ZBTB38: variants seen among roughly 807,000 people sequenced by gnomAD.
ZBTB38 encodes zinc finger and BTB domain-containing protein 38.
In ZBTB38, 20 loss-of-function variants were observed where a neutral mutation model predicts 76.8. The observed-to-expected ratio is 0.26, with a 90% CI of 0.18 to 0.38. ZBTB38 has a LOEUF of 0.38. Among genes scored for constraint, ZBTB38 ranks in the 10% least tolerant of loss-of-function variants. The probability of loss-of-function intolerance (pLI) is 1.00; values close to 1 mark genes in which losing one functional copy is unlikely to be tolerated. For missense variants in ZBTB38, 1,082 were observed against 1,482.3 expected (o/e 0.73, Z 4.43); for synonymous variants, 504 against 544.2 (o/e 0.93, Z 1.03).
chr3:141,384,516 G>C (rs191511513), intron 3 of ZBTB38, among the ~76,000 whole-genome samples: 3 of 152,326 alleles, frequency 2.0e-5, no homozygotes, highest in Non-Finnish European at 4.4e-5. Flanking sequence ...TATCTCAACA[G>C]ACATGAAGAG....
intron 4 of ZBTB38, among the ~76,000 whole-genome samples, chr3:141,395,223 A>G (rs1441404795): frequency 6.6e-6 from 1 of 152,266 alleles, no homozygotes; most frequent in Non-Finnish European, 1.5e-5. Context: ...AGGCAGGAAC[A>G]AGGAAATAAC....
chr3:141,381,443 C>A lies in ZBTB38; in HGVS notation c.-216C>A, dbSNP rs924967998. The A allele has an allele frequency of 1.8e-4, 28 of 152,450 alleles. No individual in the cohort carries two copies. The highest frequency in any genetic ancestry group is 6.7e-4 in the African/African-American group (28 of 41,564). 9.4% of individuals were successfully genotyped at this position (152,450 alleles called of 1,614,324 possible). A position where few individuals can be genotyped will look rare whatever the true frequency, so the allele number is the denominator to read the frequency against. On this transcript the variant is annotated 5_prime_UTR_variant, in exon 3 of 6. Transcript: ENST00000321464. ...CTTCCAGCTCTTTCCTGGAGAGTAA[C>A]CCCAGTTTGGTCCACAAGGCTTGCT...
At chr3:141,372,485 C>G (rs1378146457) in intron 2 of ZBTB38, among the ~76,000 whole-genome samples, 2 of 151,300 alleles carry the variant, frequency 1.3e-5, no homozygotes, top group Non-Finnish European at 2.9e-5. Flanking sequence ...CCCATCTCTA[C>G]TAAAAAAAAA....
intron 4 of ZBTB38, among the ~76,000 whole-genome samples, chr3:141,402,019 G>A (rs1219459598): frequency 6.6e-6 from 1 of 152,226 alleles, no homozygotes; most frequent in Non-Finnish European, 1.5e-5. Flanking sequence ...TGCGGCCCGA[G>A]GCCTTGTTCT....
chr3:141,341,398 C>T (rs1387338237), intron 1 of ZBTB38, among the ~76,000 whole-genome samples: 1 of 152,156 alleles, frequency 6.6e-6, no homozygotes, highest in Non-Finnish European at 1.5e-5. Context: ...CAGCATTATT[C>T]ATAATAGCCA....
intron 1 of ZBTB38, among the ~76,000 whole-genome samples, chr3:141,338,317 A>G (rs761595112): frequency 5.9e-5 from 9 of 152,198 alleles, no homozygotes; most frequent in Non-Finnish European, 1.0e-4. Context: ...AAAGGAATAT[A>G]AATCGTTCTG....
chr3:141,419,900 T>A (rs1577265188), intron 5 of ZBTB38, among the ~76,000 whole-genome samples: 2 of 152,118 alleles, frequency 1.3e-5, no homozygotes, highest in East Asian at 1.9e-4. Context: ...GGCAGGAGAA[T>A]CGCTTGAACC....
chr3:141,357,680 C>T (rs981954252), intron 1 of ZBTB38, among the ~76,000 whole-genome samples: 3 of 152,146 alleles, frequency 2.0e-5, no homozygotes, highest in African/African-American at 7.2e-5. Flanking sequence ...CAGGCACCCG[C>T]CACCACGCCC....
chr3:141,351,154 A>G (rs1459491424), intron 1 of ZBTB38, among the ~76,000 whole-genome samples: 1 of 152,216 alleles, frequency 6.6e-6, no homozygotes, highest in Non-Finnish European at 1.5e-5. Flanking sequence ...TTGTGCTCAG[A>G]ACTCAGAAAG....
At chr3:141,425,554 C>T (rs2076229116) in intron 5 of ZBTB38, among the ~76,000 whole-genome samples, 1 of 152,242 alleles carries the variant, frequency 6.6e-6, no homozygotes, top group African/African-American at 2.4e-5. Flanking sequence ...CACTGCAGCC[C>T]TGCACCGAGG....
At chr3:141,441,776 CGTGGTGGCTCTCACCT>C (rs1199930254) in intron 5 of ZBTB38, among the ~76,000 whole-genome samples, 3 of 151,968 alleles carry the variant, frequency 2.0e-5, no homozygotes, top group Non-Finnish European at 4.4e-5. Context: ...ATTAGCCGGG[CGTGGTGGCTCTCACCT>C]GTGGTCCCAG....
At position 141,447,902 on chromosome 3, in the gene ZBTB38, A is replaced by G. The variant is rs138874501; in HGVS notation, c.*1926A>G. ...CTTTCACTTACATACAGTATTATAT[A>G]AGTAGAGAAAAATGGGAAAATGCAA... is the stretch of plus-strand genomic sequence containing the variant. On this transcript the variant is annotated 3_prime_UTR_variant, in exon 6 of 6. Transcript: ENST00000321464. The G allele has an allele frequency of 6.5e-6, 1 of 152,770 alleles. No individual in the cohort carries two copies. The highest frequency in any genetic ancestry group is 1.5e-5 in the Non-Finnish European group (1 of 68,034). The allele number at this position is 152,770 out of a possible 1,614,324, so 9.5% of individuals were successfully genotyped here.
intron 5 of ZBTB38, chr3:141,434,106 T>G (rs1486951593): frequency 4.3e-6 from 3 of 694,288 alleles, no homozygotes; most frequent in Non-Finnish European, 1.8e-6. Flanking sequence ...CTCAAGGAGC[T>G]CATAGGGAAG....
intron 1 of ZBTB38, among the ~76,000 whole-genome samples, chr3:141,346,782 T>TGTGTGTG: frequency 6.9e-6 from 1 of 144,684 alleles, no homozygotes. Flanking sequence ...TTGTTTTGTT[T>TGTGTGTG]TGTGTGTGTG....
rs535618207 is a variant in ZBTB38, at chr3:141,355,511, C to T, written c.-738-13110C>T. 1.2e-4 allele frequency among the ~76,000 whole-genome samples: 19 copies of T among 152,160 alleles called. No individual in the cohort carries two copies. In the South Asian group the frequency reaches 2.5e-3, roughly 20 times the overall value. ...GACCCTCTAGGGGGCCATGGAAAGG[C>T]GTCTTGGTGCTGTGCTTGTCTCCCC... is the stretch of plus-strand genomic sequence containing the variant. On this transcript the variant is annotated intron_variant, in intron 1 of 7. Transcript: ENST00000509842.
intron 1 of ZBTB38, among the ~76,000 whole-genome samples, chr3:141,344,165 C>G (rs1943273967): frequency 6.6e-6 from 1 of 152,202 alleles, no homozygotes; most frequent in Non-Finnish European, 1.5e-5. Context: ...TCACCGAAAA[C>G]TTGGTGGCTT....
chr3:141,429,114 A>G (rs1416410135), intron 5 of ZBTB38, among the ~76,000 whole-genome samples: 1 of 152,202 alleles, frequency 6.6e-6, no homozygotes, highest in Non-Finnish European at 1.5e-5. Flanking sequence ...CATTTTTGCA[A>G]GCAGACAGAC....
intron 5 of ZBTB38, among the ~76,000 whole-genome samples, chr3:141,415,029 T>G (rs1363073152): frequency 6.6e-6 from 1 of 152,138 alleles, no homozygotes. Context: ...TAAAAGGTGC[T>G]CAGTCAATGT....
In ZBTB38 at chr3:141,388,137, T is replaced by C. The variant is rs1576894733; in HGVS notation, c.-106+1200T>C. Reference sequence around the variant, plus strand: ...AAAAAAAAATCATATATATGATAGGTGTGGTGCCATTAGACAACAAAAGAA... The same window carrying C: ...AAAAAAAAATCATATATATGATAGGCGTGGTGCCATTAGACAACAAAAGAA... On this transcript the variant is annotated intron_variant, in intron 4 of 5. Transcript: ENST00000321464. The C allele has an allele frequency of 2.6e-5, 4 of 152,052 alleles. No individual in the cohort carries two copies. The East Asian group carries it at 7.7e-4, about 29-fold the overall frequency. 9.4% of individuals were successfully genotyped at this position (152,052 alleles called of 1,614,324 possible). A position where few individuals can be genotyped will look rare whatever the true frequency, so the allele number is the denominator to read the frequency against.
Sources: allele counts gnomAD v4.1 joint callset (sites outside exome capture counted in the v4.1 genomes callset), GRCh38; gene constraint gnomAD v4.1.1; transcripts MANE v1.5; gene names NCBI Gene and HGNC (gene_info 2026-07-23, HGNC 2026-07-21).